The following RABGAP1L variants were observed in gnomAD, a reference collection of about 807,000 sequenced individuals.
RABGAP1L encodes RAB GTPase activating protein 1 like.
In RABGAP1L, 63 loss-of-function variants were observed where a neutral mutation model predicts 137.7. The observed-to-expected ratio is 0.46, with a 90% CI of 0.37 to 0.56. RABGAP1L has a LOEUF of 0.56. RABGAP1L is among the 20% of genes least tolerant of loss of function. The pLI, the probability that RABGAP1L is intolerant of heterozygous loss-of-function variation, is 0.00. For synonymous variants in RABGAP1L, 431 were observed against 433.7 expected (o/e 0.99, Z 0.08); for missense variants, 1,095 against 1,244.0 (o/e 0.88, Z 1.80).
In RABGAP1L at chr1:174,525,506, C is replaced by T. The variant is rs115307061; in HGVS notation, c.1711-111869C>T. Among the ~76,000 whole-genome samples, 999 of 152,216 alleles carry T rather than the reference C, an allele frequency of 6.6e-3. 9 individuals are homozygous for T. Among genetic ancestry groups the T allele is most frequent in the Non-Finnish European group, 9.2e-3 (625 of 67,970 alleles). On this transcript the variant is annotated intron_variant, in intron 13 of 25. Transcript: ENST00000681986. ...GTTGATTTTGTATTCTGCAACTTTA[C>T]TGAATCTGCTTATCAACTCTAAGAG... is the stretch of plus-strand genomic sequence containing the variant.
At chr1:174,387,479 A>G (rs553031400) in intron 12 of RABGAP1L, among the ~76,000 whole-genome samples, 3 of 152,294 alleles carry the variant, frequency 2.0e-5, no homozygotes, top group Admixed American at 6.5e-5. Flanking sequence ...TCATGTGCCC[A>G]CTGCCCAACT....
intron 10 of RABGAP1L, among the ~76,000 whole-genome samples, chr1:174,303,045 T>TC (rs1203381802): frequency 6.6e-6 from 1 of 152,006 alleles, no homozygotes; most frequent in African/African-American, 2.4e-5. Context: ...ATTTTCTTTT[T>TC]TTTTTTAACT....
chr1:174,925,396 C>CA (rs1035071720), intron 19 of RABGAP1L, among the ~76,000 whole-genome samples: 66 of 114,868 alleles, frequency 5.7e-4, no homozygotes, highest in African/African-American at 1.5e-3. Context: ...AAAACAACAA[C>CA]AAAAAAAACA....
intron 8 of RABGAP1L, among the ~76,000 whole-genome samples, chr1:174,274,518 A>T (rs572369720): frequency 6.6e-6 from 1 of 152,026 alleles, no homozygotes; most frequent in African/African-American, 2.4e-5. Flanking sequence ...CTAGGTTTTT[A>T]TAAGTACGGT....
In RABGAP1L at chr1:174,741,855, C is replaced by CAAAA. The variant is rs775821774; in HGVS notation, c.2170-10436_2170-10433dup. On this transcript the variant is annotated intron_variant, in intron 17 of 25. Transcript: ENST00000681986. ...GCAACATGGCAAAAGCCTATTTCTA[C>CAAAA]AAAAAAAAAAAAAAAAAAAAAAAAA... 3.6e-3 allele frequency among the ~76,000 whole-genome samples: 152 copies of CAAAA among 41,846 alleles called. 7 individuals carry two copies. The highest frequency in any genetic ancestry group is 0.014 in the African/African-American group (133 of 9,288). 27.5% of individuals were successfully genotyped at this position (41,846 alleles called of 152,430 possible).
intron 13 of RABGAP1L, among the ~76,000 whole-genome samples, chr1:174,622,902 T>C (rs1672643109): frequency 6.6e-6 from 1 of 152,220 alleles, no homozygotes; most frequent in South Asian, 2.1e-4. Context: ...TATTCAATTT[T>C]TTTGAAATGA....
At position 174,483,538 on chromosome 1, in the gene RABGAP1L, T is replaced by G. The variant is rs187902379; in HGVS notation, c.1710+89393T>G. Among the ~76,000 whole-genome samples, 1,029 of 152,306 alleles carry G rather than the reference T, an allele frequency of 6.8e-3. 9 individuals carry two copies. The highest frequency in any genetic ancestry group is 0.011 in the Non-Finnish European group (744 of 68,024). On this transcript the variant is annotated intron_variant, in intron 13 of 25. Coordinates refer to ENST00000681986, the MANE Select transcript of RABGAP1L (RefSeq NM_001366446.1). ...CACATTTTATTTATTCATTCATCTG[T>G]CGATGGACACTTAAGTTGCTTTCAA...
At chr1:174,885,652 G>C (rs1371234792) in intron 19 of RABGAP1L, among the ~76,000 whole-genome samples, 1 of 151,102 alleles carries the variant, frequency 6.6e-6, no homozygotes, top group African/African-American at 2.4e-5. Flanking sequence ...TACCACACCT[G>C]GCCTGGTTAA....
At chr1:174,306,296 G>T (rs6659951) in intron 11 of RABGAP1L, among the ~76,000 whole-genome samples, 5,555 of 152,168 alleles carry the variant, frequency 0.037, 319 homozygotes, top group African/African-American at 0.12. Context: ...TGGATGGCTG[G>T]GTCAAATGGT....
Position 174,623,452 on chromosome 1 carries a change from T to C in RABGAP1L, c.1711-13923T>C, listed in dbSNP as rs78823639. ...CATGGAAGCTGACAGAAAGCTGTTA[T>C]ACTCATAGTTACAGTGTATTACAAC... On this transcript the variant is annotated intron_variant, in intron 13 of 25. Transcript: ENST00000681986. Among the ~76,000 whole-genome samples the C allele has an allele frequency of 9.5e-3, 1,441 of 152,316 alleles. 23 individuals carry two copies. Among genetic ancestry groups the C allele is most frequent in the African/African-American group, 0.033 (1,380 of 41,564 alleles).
At chr1:174,946,207 T>C (rs2149307987) in intron 19 of RABGAP1L, among the ~76,000 whole-genome samples, 1 of 152,336 alleles carries the variant, frequency 6.6e-6, no homozygotes, top group South Asian at 2.1e-4. Flanking sequence ...ATTAGCTCAG[T>C]TAACTGCTGC....
In RABGAP1L at chr1:174,534,793, A is replaced by T. The variant is rs913714723; in HGVS notation, c.1711-102582A>T. ...CTGTCTCCAAAAAAAAAAAAAAAAA[A>T]AAAAAAAAAAATAATTAGAATAGTA... On this transcript the variant is annotated intron_variant, in intron 13 of 25. Transcript: ENST00000681986. Among the ~76,000 whole-genome samples the T allele has an allele frequency of 1.8e-3, 266 of 150,784 alleles. 1 individual carries two copies. Among genetic ancestry groups the T allele is most frequent in the African/African-American group, 6.0e-3 (246 of 41,158 alleles).
At position 174,613,007 on chromosome 1, in the gene RABGAP1L, G is replaced by C. The variant is rs555041041; in HGVS notation, c.1711-24368G>C. On this transcript the variant is annotated intron_variant, in intron 13 of 25. Coordinates refer to ENST00000681986, the MANE Select transcript of RABGAP1L (RefSeq NM_001366446.1). Reference sequence around the variant, plus strand: ...TTTTGTTGATCCTTTCAAAAAACCAGGTCCTAGATTCATTAATTTTTTGAA... The same window carrying C: ...TTTTGTTGATCCTTTCAAAAAACCACGTCCTAGATTCATTAATTTTTTGAA... Among the ~76,000 whole-genome samples, 149 of 151,504 alleles carry C rather than the reference G, an allele frequency of 9.8e-4. 1 individual carries two copies. Among genetic ancestry groups the C allele is most frequent in the African/African-American group, 3.5e-3 (145 of 41,120 alleles).
Position 174,416,020 on chromosome 1 carries a change from A to G in RABGAP1L, c.1710+21875A>G, listed in dbSNP as rs1056199380. ...TAAGGAATTTCCCTAGAAAATTTAC[A>G]TATATATATATATATACACACACAT... On this transcript the variant is annotated intron_variant, in intron 13 of 25. Transcript: ENST00000681986. 2.4e-4 allele frequency among the ~76,000 whole-genome samples: 21 copies of G among 87,742 alleles called. 2 individuals carry two copies. The highest frequency in any genetic ancestry group is 1.9e-3 in the Admixed American group (19 of 10,034). 57.6% of individuals were successfully genotyped at this position (87,742 alleles called of 152,430 possible).
chr1:174,234,583 G>A (rs965345721), intron 4 of RABGAP1L, among the ~76,000 whole-genome samples: 2 of 150,626 alleles, frequency 1.3e-5, no homozygotes, highest in African/African-American at 5.0e-5. Flanking sequence ...TTGTAGGTAT[G>A]CGGCATTATT....
intron 11 of RABGAP1L, among the ~76,000 whole-genome samples, chr1:174,327,056 A>C (rs1332605099): frequency 6.6e-6 from 1 of 152,182 alleles, no homozygotes; most frequent in Non-Finnish European, 1.5e-5. Flanking sequence ...TTGCAAAAAA[A>C]GGTGAAGAGA....
At chr1:174,650,931 T>A (rs1170792629) in intron 14 of RABGAP1L, among the ~76,000 whole-genome samples, 1 of 144,686 alleles carries the variant, frequency 6.9e-6, no homozygotes, top group Non-Finnish European at 1.5e-5. Context: ...GATGTTAGGG[T>A]GTCAATTTTG....
At position 174,670,602 on chromosome 1, in the gene RABGAP1L, T is replaced by C. The variant is rs1021710289; in HGVS notation, c.1825-12920T>C. ...TCCTTCTATTCTGTATGTCCATGAA[T>C]TCAGTTGTTTTGATTTTTAGATATC... is the stretch of plus-strand genomic sequence containing the variant. On this transcript the variant is annotated intron_variant, in intron 14 of 25. Coordinates refer to ENST00000681986, the MANE Select transcript of RABGAP1L (RefSeq NM_001366446.1). Among the ~76,000 whole-genome samples the C allele has an allele frequency of 2.8e-4, 42 of 152,276 alleles. 1 individual carries two copies. The highest frequency in any genetic ancestry group is 1.0e-3 in the African/African-American group (42 of 41,562).
intron 19 of RABGAP1L, among the ~76,000 whole-genome samples, chr1:174,884,742 C>T (rs922969219): frequency 1.3e-5 from 2 of 152,240 alleles, no homozygotes; most frequent in African/African-American, 4.8e-5. Flanking sequence ...TGGACTGATG[C>T]TGGCAACCAT....
Sources: allele counts gnomAD v4.1 joint callset (sites outside exome capture counted in the v4.1 genomes callset), GRCh38; gene constraint gnomAD v4.1.1; transcripts MANE v1.5; gene names NCBI Gene and HGNC (gene_info 2026-07-23, HGNC 2026-07-21).